DNAAF6: variants seen among roughly 807,000 people sequenced by gnomAD.
The protein encoded by DNAAF6 is dynein axonemal assembly factor 6, also known as PIH1 domain containing 3.
In DNAAF6, 3 loss-of-function variants were observed where a neutral mutation model predicts 13.7. That is an observed-to-expected ratio of 0.22 (90% CI 0.10 to 0.56). The LOEUF (loss-of-function observed/expected upper bound fraction) is 0.56, where lower values mean the gene tolerates loss of function less well. DNAAF6 is among the 20% of genes least tolerant of loss of function. DNAAF6 has a pLI of 0.92. For synonymous variants in DNAAF6, 54 were observed against 49.2 expected (o/e 1.10, Z -0.41); for missense variants, 130 against 151.0 (o/e 0.86, Z 0.73).
At chrX:107,241,367 T>C (rs1310069785) in intron 6 of DNAAF6, among the ~76,000 whole-genome samples, 1 of 112,155 alleles carries the variant, frequency 8.9e-6, no homozygotes, top group Non-Finnish European at 1.9e-5. Flanking sequence ...CTGTAACTTC[T>C]GAAAATGCAA....
intron 6 of DNAAF6, among the ~76,000 whole-genome samples, chrX:107,242,814 G>A (rs891094102): frequency 3.6e-5 from 4 of 111,632 alleles, no homozygotes; most frequent in African/African-American, 9.8e-5. Context: ...ATTTGTATCC[G>A]TCGGCCACAT....
intron 1 of DNAAF6, among the ~76,000 whole-genome samples, chrX:107,211,374 A>G (rs763530739): frequency 4.5e-5 from 5 of 111,960 alleles, no homozygotes; most frequent in Non-Finnish European, 9.4e-5. Flanking sequence ...GTGTTTACAG[A>G]TTATTATTAC....
chrX:107,219,998 C>G (rs1401590988), intron 4 of DNAAF6, among the ~76,000 whole-genome samples: 1 of 110,921 alleles, frequency 9.0e-6, no homozygotes, highest in African/African-American at 3.3e-5. Context: ...GGGGTTTCAC[C>G]ATGTTGGCCA....
intron 5 of DNAAF6, among the ~76,000 whole-genome samples, chrX:107,223,316 T>G (rs1928189511): frequency 8.9e-6 from 1 of 111,861 alleles, no homozygotes; most frequent in Non-Finnish European, 1.9e-5. Flanking sequence ...TTCTTAATTT[T>G]GGGATCTGAC....
intron 4 of DNAAF6, 35 bp downstream of exon 4, chrX:107,219,004 T>A (rs1407815769): frequency 8.9e-7 from 1 of 1,127,473 alleles, no homozygotes; most frequent in African/African-American, 1.9e-5. Flanking sequence ...TCTTTAGGAG[T>A]TTAAGTTAGC....
At chrX:107,219,544 C>T (rs1359165081) in intron 4 of DNAAF6, among the ~76,000 whole-genome samples, 1 of 111,371 alleles carries the variant, frequency 9.0e-6, no homozygotes, top group South Asian at 3.7e-4. Flanking sequence ...TATAAAAAGC[C>T]TTTTATTCTG....
At position 107,238,905 on chromosome X, in the gene DNAAF6, C is replaced by T; in HGVS notation, c.430-17C>T. On this transcript the variant is annotated splice_polypyrimidine_tract_variant and intron_variant, in intron 5 of 6. Coordinates refer to ENST00000372453, the MANE Select transcript of DNAAF6 (RefSeq NM_173494.2). ...TCTCCAAGATATCACTATTTTTCTT[C>T]TCATTTTCTCTTTCAGGCTAAAATT... is the stretch of plus-strand genomic sequence containing the variant. The T allele has an allele frequency of 1.7e-6, 2 of 1,204,172 alleles. No individual in the cohort carries two copies. The highest frequency in any genetic ancestry group is 5.9e-5 in the East Asian group (2 of 33,700).
intron 6 of DNAAF6, among the ~76,000 whole-genome samples, chrX:107,241,169 G>T (rs1271659267): frequency 8.9e-6 from 1 of 111,948 alleles, no homozygotes; most frequent in Non-Finnish European, 1.9e-5. Flanking sequence ...CTGGGAACCA[G>T]GATGTCCTTT....
At chrX:107,231,863 C>A (rs1275628781) in intron 5 of DNAAF6, among the ~76,000 whole-genome samples, 2 of 110,619 alleles carry the variant, frequency 1.8e-5, no homozygotes, top group Admixed American at 9.6e-5. Flanking sequence ...TCTTTTTTTT[C>A]TTTTTGTTTT....
Position 107,232,887 on chromosome X carries a change from C to T in DNAAF6, c.430-6035C>T, listed in dbSNP as rs186627100. Reference sequence around the variant, plus strand: ...CCTCCCAAGCAAATGGGAGTACAGGCGCGCACCACCATGCCCAGCTACTTT... The same window carrying T: ...CCTCCCAAGCAAATGGGAGTACAGGTGCGCACCACCATGCCCAGCTACTTT... On this transcript the variant is annotated intron_variant, in intron 5 of 6. Coordinates refer to ENST00000372453, the MANE Select transcript of DNAAF6 (RefSeq NM_173494.2). Among the ~76,000 whole-genome samples, 535 of 110,105 alleles carry T rather than the reference C, an allele frequency of 4.9e-3. 1 individual carries two copies. Among genetic ancestry groups the T allele is most frequent in the African/African-American group, 0.016 (498 of 30,227 alleles).
At chrX:107,209,335 T>TA (rs1927797003) in intron 1 of DNAAF6, among the ~76,000 whole-genome samples, 1 of 112,240 alleles carries the variant, frequency 8.9e-6, no homozygotes, top group Non-Finnish European at 1.9e-5. Context: ...AGAGAATAAA[T>TA]AGATTTTGAG....
At chrX:107,229,127 CTTTTTTTTTTTTTTTT>C (rs768372176) in intron 5 of DNAAF6, among the ~76,000 whole-genome samples, 1 of 51,586 alleles carries the variant, frequency 1.9e-5, no homozygotes, top group African/African-American at 1.1e-4. Context: ...GTTGACTACT[CTTTTTTTTTTTTTTTT>C]TTTTTTTTTT....
intron 1 of DNAAF6, among the ~76,000 whole-genome samples, chrX:107,207,704 G>A (rs1776551115): frequency 8.9e-6 from 1 of 111,975 alleles, no homozygotes; most frequent in South Asian, 3.8e-4. Context: ...GGCCGAGGCG[G>A]GCAGATCACT....
chrX:107,225,919 G>C (rs1219359245), intron 5 of DNAAF6, among the ~76,000 whole-genome samples: 1 of 112,039 alleles, frequency 8.9e-6, no homozygotes, highest in African/African-American at 3.2e-5. Context: ...GTATTTTAGA[G>C]CTAGAGCTAG....
chrX:107,219,097 G>A (rs1444382020), intron 4 of DNAAF6, 128 bp downstream of exon 4: 6 of 824,821 alleles, frequency 7.3e-6, no homozygotes, highest in Non-Finnish European at 7.9e-6. Context: ...GTGACACACG[G>A]AAGGCATGTG....
chrX:107,237,738 C>T lies in DNAAF6; in HGVS notation c.430-1184C>T, dbSNP rs112504171. Among the ~76,000 whole-genome samples the T allele has an allele frequency of 2.7e-3, 305 of 112,329 alleles. 3 individuals are homozygous for T. Among genetic ancestry groups the T allele is most frequent in the African/African-American group, 9.3e-3 (288 of 30,973 alleles). ...GTGGCTTACCCCTGTAATTCCAGCA[C>T]GTTGGGAGGCTGAGGCGGGCAGATC... is the stretch of plus-strand genomic sequence containing the variant. On this transcript the variant is annotated intron_variant, in intron 5 of 6. Coordinates refer to ENST00000372453, the MANE Select transcript of DNAAF6 (RefSeq NM_173494.2).
At chrX:107,217,874 C>T (rs921793345) in intron 3 of DNAAF6, among the ~76,000 whole-genome samples, 7 of 112,337 alleles carry the variant, frequency 6.2e-5, no homozygotes, top group Admixed American at 2.8e-4. Flanking sequence ...AAGAGATATT[C>T]GCTCCATGGC....
chrX:107,208,752 G>T (rs1424722983), intron 1 of DNAAF6, among the ~76,000 whole-genome samples: 2 of 110,670 alleles, frequency 1.8e-5, no homozygotes, highest in African/African-American at 3.3e-5. Context: ...TGGCAAGCTG[G>T]TCTCAAACTC....
chrX:107,213,869 A>G (rs764232221), intron 2 of DNAAF6, among the ~76,000 whole-genome samples: 2 of 111,856 alleles, frequency 1.8e-5, no homozygotes, highest in South Asian at 3.8e-4. Context: ...GTGTTTTGTT[A>G]TATGACCAAT....
Sources: allele counts gnomAD v4.1 joint callset (sites outside exome capture counted in the v4.1 genomes callset), GRCh38; gene constraint gnomAD v4.1.1; transcripts MANE v1.5; gene names NCBI Gene and HGNC (gene_info 2026-07-23, HGNC 2026-07-21).